Variants in MCC observed in about 807,000 individuals in gnomAD.
The protein encoded by MCC is colorectal mutant cancer protein.
A neutral mutation model predicts 116.2 loss-of-function variants in MCC; 90 were observed. That is an observed-to-expected ratio of 0.77 (90% CI 0.65 to 0.92). The LOEUF (loss-of-function observed/expected upper bound fraction) is 0.92. Among genes scored for constraint, MCC ranks in the 40% least tolerant of loss-of-function variants. MCC has a pLI of 0.00. For missense variants in MCC, 1,516 were observed against 1,312.2 expected (o/e 1.16, Z -2.40); for synonymous variants, 578 against 510.5 (o/e 1.13, Z -1.78).
rs775074861 is a variant in MCC at position 113,488,291 on chromosome 5, G to A, written c.124C>T (p.Arg42Cys). 2.3e-5 allele frequency: 37 copies of A among 1,595,028 alleles called. No homozygotes were observed. The East Asian group carries it at 8.3e-4, about 36-fold the overall frequency. The change falls in exon 1 of 19, where the codon CGC (arginine) becomes TGC (cysteine). Residue 42 changes from arginine (R) to cysteine (C), a missense_variant. By Grantham distance (180) the Arg-to-Cys change is radical (BLOSUM62 -3). Transcript: ENST00000408903. ...SSTGEEERMR[R>C]LFQTCDGDGD... ...TCGCCGTCGCACGTCTGGAAGAGGC[G>A]CCGCATCCTCTCCTCCTCGCCGGTG...
At chr5:113,358,177 CAA>C (rs1295555998) in intron 2 of MCC, among the ~76,000 whole-genome samples, 1 of 152,184 alleles carries the variant, frequency 6.6e-6, no homozygotes, top group Non-Finnish European at 1.5e-5. Flanking sequence ...ATGTCAGAGC[CAA>C]AGTTACATTT....
At chr5:113,313,352 A>AAAAC (rs545955444) in intron 3 of MCC, among the ~76,000 whole-genome samples, 16 of 152,148 alleles carry the variant, frequency 1.1e-4, no homozygotes, top group Admixed American at 4.6e-4. Context: ...TCAAAAACAA[A>AAAAC]AAACAAACAA....
chr5:113,404,183 T>C (rs1306040170), intron 1 of MCC, among the ~76,000 whole-genome samples: 1 of 152,146 alleles, frequency 6.6e-6, no homozygotes, highest in Non-Finnish European at 1.5e-5. Context: ...GTTTCTTTAT[T>C]TGAGGGTGAG....
At chr5:113,197,187 G>A (rs958192871) in intron 3 of MCC, among the ~76,000 whole-genome samples, 2 of 152,160 alleles carry the variant, frequency 1.3e-5, no homozygotes, top group African/African-American at 2.4e-5. Context: ...TGGGTCGATG[G>A]GGAGATGTTG....
chr5:113,288,786 G>A (rs78880270), intron 3 of MCC, among the ~76,000 whole-genome samples: 1 of 152,254 alleles, frequency 6.6e-6, no homozygotes, highest in African/African-American at 2.4e-5. Context: ...AAGGCTACCT[G>A]GGCACAAATC....
chr5:113,476,838 G>A (rs1313654776), intron 1 of MCC, among the ~76,000 whole-genome samples: 2 of 152,134 alleles, frequency 1.3e-5, no homozygotes, highest in Non-Finnish European at 2.9e-5. Flanking sequence ...ATTGTTACAC[G>A]ACTCTGAATA....
rs1312263318 is a variant in MCC, at chr5:113,224,051, TAC to T, written c.628-72631_628-72630del. ...CAAACAATAACTCAAGGAATGCTCATACCAATTCTTGGAGGAGTAGGTATTGT... is the reference window on the plus strand; with the variant it reads ...CAAACAATAACTCAAGGAATGCTCATCAATTCTTGGAGGAGTAGGTATTGT... On this transcript the variant is annotated intron_variant, in intron 3 of 18. Transcript: ENST00000408903. Among the ~76,000 whole-genome samples, 3 of 152,146 alleles carry T rather than the reference TAC, an allele frequency of 2.0e-5. No individual in the cohort carries two copies. The South Asian group carries it at 6.2e-4, about 32-fold the overall frequency.
At chr5:113,037,917 C>T (rs1751428698) in intron 17 of MCC, among the ~76,000 whole-genome samples, 1 of 152,176 alleles carries the variant, frequency 6.6e-6, no homozygotes, top group African/African-American at 2.4e-5. Flanking sequence ...AGTTAGGGAC[C>T]TACGGACAAT....
chr5:113,217,884 C>T lies in MCC; in HGVS notation c.628-66462G>A, dbSNP rs114811277. On this transcript the variant is annotated intron_variant, in intron 3 of 18. Transcript: ENST00000408903. ...GAAAGGACATGAGCACATGAGTGTG[C>T]ACACCACGCCTGTATGTTCCTTTCC... Among the ~76,000 whole-genome samples, 592 of 152,172 alleles carry T rather than the reference C, an allele frequency of 3.9e-3. 5 individuals are homozygous for T. The highest frequency in any genetic ancestry group is 0.014 in the African/African-American group (576 of 41,502).
chr5:113,194,281 A>G (rs73244734), intron 3 of MCC, among the ~76,000 whole-genome samples: 2 of 152,248 alleles, frequency 1.3e-5, no homozygotes, highest in African/African-American at 4.8e-5. Flanking sequence ...TACTTAGTAC[A>G]TGCAAAACAC....
intron 2 of MCC, among the ~76,000 whole-genome samples, chr5:113,371,051 C>G (rs1768825786): frequency 6.6e-6 from 1 of 151,982 alleles, no homozygotes; most frequent in African/African-American, 2.4e-5. Context: ...AACCCCATCT[C>G]TACTAAAAAG....
chr5:113,342,641 T>C (rs1397175151), intron 2 of MCC, among the ~76,000 whole-genome samples: 1 of 152,170 alleles, frequency 6.6e-6, no homozygotes, highest in East Asian at 1.9e-4. Context: ...GATGCTTGAG[T>C]TGTCACTCTT....
In MCC at chr5:113,022,174, AAATG is replaced by A. The variant is rs1287646823; in HGVS notation, c.*5124_*5127del. 1 of 152,626 alleles carries A rather than the reference AAATG, an allele frequency of 6.6e-6. No individual in the cohort carries two copies. Among genetic ancestry groups the A allele is most frequent in the East Asian group, 1.9e-4 (1 of 5,206 alleles). The allele number at this position is 152,626 out of a possible 1,614,324, so 9.5% of individuals were successfully genotyped here. A position where few individuals can be genotyped will look rare whatever the true frequency, so the allele number is the denominator to read the frequency against. ...ATATTATAAATGTCTCTGTATAAAT[AAATG>A]GAGTTTTTAAAAAACAATTCTATAT... On this transcript the variant is annotated 3_prime_UTR_variant, in exon 19 of 19. Transcript: ENST00000408903.
At chr5:113,433,451 G>A in intron 1 of MCC, 1 of 610,314 alleles carries the variant, frequency 1.6e-6, no homozygotes, top group Non-Finnish European at 3.0e-6. Flanking sequence ...CGGCCAGTGG[G>A]GACCCTCTGC....
intron 3 of MCC, among the ~76,000 whole-genome samples, chr5:113,293,759 A>C (rs748827481): frequency 5.3e-5 from 8 of 152,132 alleles, no homozygotes; most frequent in Non-Finnish European, 1.0e-4. Context: ...GCAGGAAATA[A>C]AGTTCTAAAG....
intron 4 of MCC, among the ~76,000 whole-genome samples, chr5:113,149,785 GAAC>G (rs1247773009): frequency 6.6e-6 from 1 of 152,072 alleles, no homozygotes; most frequent in African/African-American, 2.4e-5. Flanking sequence ...GTGTGCCATT[GAAC>G]AACAAAATAC....
At chr5:113,315,608 C>T (rs956716642) in intron 3 of MCC, among the ~76,000 whole-genome samples, 1 of 147,948 alleles carries the variant, frequency 6.8e-6, no homozygotes, top group Non-Finnish European at 1.5e-5. Flanking sequence ...TGGCTCACAT[C>T]TGTAATCCTA....
At chr5:113,240,095 G>T (rs1764308966) in intron 3 of MCC, among the ~76,000 whole-genome samples, 1 of 152,140 alleles carries the variant, frequency 6.6e-6, no homozygotes. Context: ...TTCCACATAT[G>T]GAATGGAGGG....
intron 4 of MCC, among the ~76,000 whole-genome samples, chr5:113,148,725 CT>C (rs1167936218): frequency 1.3e-5 from 2 of 152,134 alleles, no homozygotes; most frequent in South Asian, 2.1e-4. Flanking sequence ...ATAAGTCTGA[CT>C]TTTTTTTCAT....
Sources: gnomAD v4.1 joint callset for allele counts (sites outside exome capture counted in the v4.1 genomes callset) on GRCh38, gnomAD v4.1.1 for gene constraint, MANE v1.5 for transcripts, NCBI Gene and HGNC (gene_info 2026-07-23, HGNC 2026-07-21) for gene names.